The following PNKP variants were observed in gnomAD, a reference collection of about 807,000 sequenced individuals.
The protein encoded by PNKP is bifunctional polynucleotide phosphatase/kinase.
A neutral mutation model predicts 66.2 loss-of-function variants in PNKP; 82 were observed. That is an observed-to-expected ratio of 1.24 (90% CI 1.04 to 1.49). The LOEUF is 1.49. PNKP is among the 40% of genes most tolerant of loss of function. The pLI is 0.00. For synonymous variants in PNKP, 412 were observed against 298.9 expected (o/e 1.38, Z -3.90); for missense variants, 907 against 706.8 (o/e 1.28, Z -3.21).
intron 7 of PNKP, 71 bp from the exon 8 acceptor site, chr19:49,863,831 A>G: frequency 1.4e-6 from 2 of 1,446,370 alleles, no homozygotes; most frequent in East Asian, 4.9e-5. Context: ...CCAGCCCAGA[A>G]TTTGTAGCTG....
rs1311784594 is a variant in PNKP at position 49,861,861 on chromosome 19, C to T, written c.1209G>A (p.Gln403=). 1.9e-6 allele frequency: 3 copies of T among 1,591,968 alleles called. No individual in the cohort carries two copies. The East Asian group carries it at 6.9e-5, about 36-fold the overall frequency. Residue 403 remains glutamine, a synonymous_variant, in exon 14 of 17, where the codon CAG becomes CAA. Coordinates refer to ENST00000322344, the MANE Select transcript of PNKP (RefSeq NM_007254.4). The part of the protein sequence containing the change: ...HVNRDTLGSW[Q]RCVTTCETAL... ...CTGTCTCACACGTGGTCACACAGCGCTGCCAGGAGCCTAGCGTGTCCTGGG... is the reference window on the plus strand; with the variant it reads ...CTGTCTCACACGTGGTCACACAGCGTTGCCAGGAGCCTAGCGTGTCCTGGG...
Position 49,865,291 on chromosome 19 carries a change from G to A in PNKP, c.334C>T (p.Pro112Ser). ...LTLRWEETRT[P>S]ESQPDTPPGT... ...GGCGGAGTATCTGGCTGGGATTCTG[G>A]TGTGCGGGTCTCTTCCCAGCGCAGG... Residue 112 changes from proline to serine, a missense_variant, in exon 4 of 17, where the codon CCA (proline) becomes TCA (serine). Transcript: ENST00000322344. The A allele has an allele frequency of 1.2e-6, 2 of 1,614,206 alleles. No homozygotes were observed. Among genetic ancestry groups the A allele is most frequent in the Non-Finnish European group, 1.7e-6 (2 of 1,180,036 alleles).
intron 8 of PNKP, 193 bp from the exon 9 acceptor site, chr19:49,862,931 C>T (rs141524662): frequency 7.2e-6 from 5 of 689,688 alleles, no homozygotes; most frequent in Non-Finnish European, 1.3e-5. Context: ...CCACACAGCC[C>T]CCTCCCTCCA....
Position 49,864,085 on chromosome 19 carries a change from G to C in PNKP, c.637-14C>G, listed in dbSNP as rs370160553. On this transcript the variant is annotated splice_polypyrimidine_tract_variant and intron_variant, in intron 6 of 16. Coordinates refer to ENST00000322344, the MANE Select transcript of PNKP (RefSeq NM_007254.4). The stretch of plus-strand genomic sequence containing the variant: ...GAAGATCACCAGCTGGGGAGCAAAG[G>C]GTGTCACCAGACGCTCTGCTCACCA... The C allele has an allele frequency of 3.7e-6, 6 of 1,611,862 alleles. No homozygotes were observed. The highest frequency in any genetic ancestry group is 1.7e-5 in the Admixed American group (1 of 59,996).
At chr19:49,864,786 T>C (rs3739182) in intron 4 of PNKP, among the ~76,000 whole-genome samples, 4,346 of 152,308 alleles carry the variant, frequency 0.029, 84 homozygotes, top group South Asian at 0.084. Flanking sequence ...CGTGCTTTTT[T>C]TATGGATTCA....
intron 2 of PNKP, 87 bp from the exon 3 acceptor site, chr19:49,866,532 T>G: frequency 7.8e-7 from 1 of 1,281,330 alleles, no homozygotes; most frequent in Non-Finnish European, 1.1e-6. Context: ...CTTCAGGCTA[T>G]AGCATCCAGG....
rs1463305699 is a variant in PNKP, at chr19:49,862,735, T to C, written c.820A>G (p.Asn274Asp). The change falls in exon 9 of 17, where the codon AAC (asparagine) becomes GAC (aspartate). Residue 274 changes from asparagine to aspartate, a missense_variant. Physicochemically the swap from Asn to Asp is conservative, Grantham distance 23 (BLOSUM62 1). Coordinates refer to ENST00000322344, the MANE Select transcript of PNKP (RefSeq NM_007254.4). ...GMWDHLQEQA[N>D]DGTPISIGDS... is the part of the protein sequence containing the mutation. ...CCGATGGATATGGGCGTGCCGTCGT[T>C]GGCCTACGGGAGACGGTAGTGAGGA... The C allele has an allele frequency of 6.2e-7, 1 of 1,614,076 alleles. No homozygotes were observed. Among genetic ancestry groups the C allele is most frequent in the Non-Finnish European group, 8.5e-7 (1 of 1,179,980 alleles).
intron 8 of PNKP, among the ~76,000 whole-genome samples, chr19:49,862,984 G>A (rs1489804605): frequency 6.6e-6 from 1 of 150,884 alleles, no homozygotes; most frequent in East Asian, 2.0e-4. Context: ...CGCGGCCACC[G>A]GAGGGCACCC....
Position 49,862,575 on chromosome 19 carries a change from C to T in PNKP, c.899G>A (p.Gly300Glu), listed in dbSNP as rs759656573. 1 of 1,613,214 alleles carries T rather than the reference C, an allele frequency of 6.2e-7. No individual in the cohort carries two copies. Among genetic ancestry groups the T allele is most frequent in the East Asian group, 2.2e-5 (1 of 44,838 alleles). The change falls in exon 10 of 17, where the codon GGG (glycine) becomes GAG (glutamate). Residue 300 changes from glycine to glutamate, a missense_variant. Transcript: ENST00000322344. ...AAGRPANWAP[G>E]RKKKDFSCAD... Reference sequence around the variant, plus strand: ...GCAGGAGAAGTCTTTCTTCTTCCGCCCCGGGGCCCAGTTGGCCGGGCGTCC... The same window carrying T: ...GCAGGAGAAGTCTTTCTTCTTCCGCTCCGGGGCCCAGTTGGCCGGGCGTCC...
intron 3 of PNKP, 175 bp from the exon 4 acceptor site, chr19:49,865,601 C>A (rs1235878790): frequency 8.5e-4 from 270 of 318,264 alleles, no homozygotes; most frequent in East Asian, 9.9e-4. Context: ...TTGTCCGAAT[C>A]TTTTTTTTTT....
chr19:49,864,079 G>C lies in PNKP; in HGVS notation c.637-8C>G. On this transcript the variant is annotated splice_region_variant and splice_polypyrimidine_tract_variant and intron_variant, in intron 6 of 16. Transcript: ENST00000322344. ...GTTGGTGAAGATCACCAGCTGGGGA[G>C]CAAAGGGTGTCACCAGACGCTCTGC... is the stretch of plus-strand genomic sequence containing the variant. The C allele has an allele frequency of 6.2e-7, 1 of 1,613,214 alleles. No individual in the cohort carries two copies. Among genetic ancestry groups the C allele is most frequent in the Non-Finnish European group, 8.5e-7 (1 of 1,179,424 alleles).
rs562412132 is a variant in PNKP, at chr19:49,863,323, C to T, written c.816+366G>A. Among the ~76,000 whole-genome samples, 7 of 152,358 alleles carry T rather than the reference C, an allele frequency of 4.6e-5. No individual in the cohort carries two copies. The South Asian group carries it at 1.4e-3, about 32-fold the overall frequency. ...TGATGCCTGCTTTCTCCAGCTCCCT[C>T]CCTCCTGCTGTTTTACACGCCAGTC... is the stretch of plus-strand genomic sequence containing the variant. On this transcript the variant is annotated intron_variant, in intron 8 of 16. Transcript: ENST00000322344.
rs1459667378 is a variant in PNKP at position 49,862,242 on chromosome 19, A to G, written c.1069T>C (p.Ser357Pro). Residue 357 changes from serine to proline, a missense_variant, in exon 12 of 17, where the codon TCC becomes CCC. Transcript: ENST00000322344. ...GGGCTGGCGCTCAGGAGGGCCCTGG[A>G]CTCGGGGAGGCAGAGAGGCCCTGAG... ...SRSGPLCLPE[S>P]RALLSASPEV... 1.9e-6 allele frequency: 3 copies of G among 1,610,618 alleles called. No homozygotes were observed. In the African/African-American group the frequency reaches 4.0e-5, roughly 22 times the overall value.
chr19:49,867,526 G>A lies in PNKP; in HGVS notation c.-71C>T. On this transcript the variant is annotated 5_prime_UTR_variant, in exon 1 of 17. Coordinates refer to ENST00000322344, the MANE Select transcript of PNKP (RefSeq NM_007254.4). The stretch of plus-strand genomic sequence containing the variant: ...CGACCAGGGAGGTCCTGCCCGAGGT[G>A]CCCCGCCTGCAACCCGGCCGGCGGC... The A allele has an allele frequency of 2.9e-6, 1 of 347,230 alleles. No individual in the cohort carries two copies. The highest frequency in any genetic ancestry group is 3.4e-5 in the South Asian group (1 of 29,272). The allele number at this position is 347,230 out of a possible 1,614,324, so 21.5% of individuals were successfully genotyped here.
intron 8 of PNKP, among the ~76,000 whole-genome samples, chr19:49,863,190 A>AG (rs893695806): frequency 4.6e-4 from 70 of 151,606 alleles, no homozygotes; most frequent in Middle Eastern, 3.4e-3. Flanking sequence ...CACTCCCACA[A>AG]GGGGGGGGAC....
rs138931842 is a variant in PNKP at position 49,864,228 on chromosome 19, T to C, written c.587A>G (p.Tyr196Cys). The change falls in exon 6 of 17, where the codon TAC becomes TGC. Residue 196 changes from tyrosine (Y) to cysteine (C), a missense_variant. By Grantham distance (194) the Tyr-to-Cys change is radical. Coordinates refer to ENST00000322344, the MANE Select transcript of PNKP (RefSeq NM_007254.4). ...PTGPSDWRIL[Y>C]PEIPRKLREL... is the part of the protein sequence containing the mutation. ...TCGGAGCTTACGGGGAATCTCTGGG[T>C]ACAAGATCCTACGGCAGGTATGAAG... 5.6e-5 allele frequency: 91 copies of C among 1,614,038 alleles called. No individual in the cohort carries two copies. The African/African-American group carries it at 1.1e-3, about 20-fold the overall frequency.
At chr19:49,865,732 G>A (rs964485505) in intron 3 of PNKP, among the ~76,000 whole-genome samples, 2 of 150,374 alleles carry the variant, frequency 1.3e-5, no homozygotes, top group Non-Finnish European at 2.9e-5. Flanking sequence ...TCCTGCCTCA[G>A]CTACCCGAGT....
chr19:49,863,367 C>T (rs577489296), intron 8 of PNKP, among the ~76,000 whole-genome samples: 1 of 152,238 alleles, frequency 6.6e-6, no homozygotes, highest in Non-Finnish European at 1.5e-5. Flanking sequence ...CGCCTAGAGT[C>T]ACCGCCCTCG....
chr19:49,862,717 A>C lies in PNKP; in HGVS notation c.838T>G (p.Ser280Ala). 6.2e-7 allele frequency: 1 copy of C among 1,614,058 alleles called. No individual in the cohort carries two copies. Among genetic ancestry groups the C allele is most frequent in the Non-Finnish European group, 8.5e-7 (1 of 1,179,974 alleles). The part of the protein sequence containing the change: ...QEQANDGTPI[S>A]IGDSIFVGDA... The stretch of plus-strand genomic sequence containing the variant: ...CCCACAAAGATGCTGTCCCCGATGG[A>C]TATGGGCGTGCCGTCGTTGGCCTAC... The change falls in exon 9 of 17, where the codon TCC becomes GCC. Residue 280 changes from serine to alanine, a missense_variant. Transcript: ENST00000322344.
Sources: gnomAD v4.1 joint callset for allele counts (sites outside exome capture counted in the v4.1 genomes callset) on GRCh38, gnomAD v4.1.1 for gene constraint, MANE v1.5 for transcripts, NCBI Gene and HGNC (gene_info 2026-07-23, HGNC 2026-07-21) for gene names.